LAMA4: variants seen among roughly 807,000 people sequenced by gnomAD.
The protein encoded by LAMA4 is laminin subunit alpha-4.
A neutral mutation model predicts 207.1 loss-of-function variants in LAMA4; 127 were observed. The ratio of observed to expected loss-of-function variants is 0.61; its 90% CI spans 0.53 to 0.71. LAMA4 has a LOEUF of 0.71. Among genes scored for constraint, LAMA4 ranks in the 30% least tolerant of loss-of-function variants. LAMA4 has a pLI of 0.00. For missense variants in LAMA4, 2,093 were observed against 2,246.5 expected (o/e 0.93, Z 1.38); for synonymous variants, 761 against 816.0 (o/e 0.93, Z 1.15).
intron 13 of LAMA4, among the ~76,000 whole-genome samples, chr6:112,161,687 T>C (rs1554338407): frequency 6.6e-6 from 1 of 152,146 alleles, no homozygotes; most frequent in African/African-American, 2.4e-5. Flanking sequence ...GTAAAAGATA[T>C]TTTGAATAAC....
intron 9 of LAMA4, chr6:112,178,524 C>A: frequency 2.5e-6 from 1 of 397,948 alleles, no homozygotes; most frequent in Non-Finnish European, 4.7e-6. Context: ...GTGCACCCAT[C>A]ACCCGAGCAG....
chr6:112,230,830 G>T (rs6568726), intron 2 of LAMA4, among the ~76,000 whole-genome samples: 6,749 of 152,208 alleles, frequency 0.044, 520 homozygotes, highest in African/African-American at 0.15. Context: ...GATGTGTCTT[G>T]GCATTACAGA....
intron 13 of LAMA4, among the ~76,000 whole-genome samples, chr6:112,163,167 A>AT (rs1554338903): frequency 1.3e-5 from 2 of 150,978 alleles, no homozygotes; most frequent in Non-Finnish European, 3.0e-5. Context: ...TTTTGTAGAG[A>AT]GGGGGTCTCA....
chr6:112,154,136 G>A (rs1562668763), intron 16 of LAMA4, among the ~76,000 whole-genome samples: 3 of 152,120 alleles, frequency 2.0e-5, no homozygotes, highest in Non-Finnish European at 4.4e-5. Context: ...TCTCAGAGAT[G>A]AATAATGTTT....
At position 112,154,853 on chromosome 6, in the gene LAMA4, G is replaced by A. The variant is rs369776441; in HGVS notation, c.2054C>T (p.Ser685Phe). Reference sequence around the variant, plus strand: ...GATAGGAAAGTGAAGATATTTACTAGACTCTGCCTTTGCTTGCAGTTCTCT... The same window carrying A: ...GATAGGAAAGTGAAGATATTTACTAAACTCTGCCTTTGCTTGCAGTTCTCT... ...QARELQAKAE[S>F]SSDEAVADTS... The change falls in exon 16 of 39, where the codon TCT becomes TTT. Residue 685 changes from serine to phenylalanine, a missense_variant and splice_region_variant. Ser to Phe is a radical substitution (Grantham distance 155). Around this residue, in one of 3 missense-constraint regions of LAMA4, gnomAD observed 1,704 missense variants for 1,788.4 expected, o/e 0.95. Coordinates refer to ENST00000230538, the MANE Select transcript of LAMA4 (RefSeq NM_001105206.3). 49 of 1,586,546 alleles carry A rather than the reference G, an allele frequency of 3.1e-5. No homozygotes were observed. In the Middle Eastern group the frequency reaches 1.2e-3, roughly 38 times the overall value.
chr6:112,126,683 T>G (rs1778710909), intron 31 of LAMA4, among the ~76,000 whole-genome samples: 1 of 152,180 alleles, frequency 6.6e-6, no homozygotes, highest in Admixed American at 6.5e-5. Context: ...TGGAGACACT[T>G]CCCTCTTGCT....
chr6:112,155,542 A>T (rs1403011819), intron 15 of LAMA4, 23 bp downstream of exon 15: 11 of 1,613,860 alleles, frequency 6.8e-6, no homozygotes, highest in Non-Finnish European at 9.3e-6. Context: ...GCAAGGTATA[A>T]AGAACTTTCA....
Position 112,134,627 on chromosome 6 carries a change from T to C in LAMA4, c.3415-18A>G. On this transcript the variant is annotated intron_variant, in intron 25 of 38. Coordinates refer to ENST00000230538, the MANE Select transcript of LAMA4 (RefSeq NM_001105206.3). Reference sequence around the variant, plus strand: ...ATTGAGATCTGGGAGAGATAATATATAGTAAGCCTTGATTAACTATTTAAT... The same window carrying C: ...ATTGAGATCTGGGAGAGATAATATACAGTAAGCCTTGATTAACTATTTAAT... The C allele has an allele frequency of 1.3e-6, 2 of 1,579,308 alleles. No homozygotes were observed. The highest frequency in any genetic ancestry group is 1.1e-5 in the South Asian group (1 of 90,370).
intron 2 of LAMA4, among the ~76,000 whole-genome samples, chr6:112,220,004 A>C (rs781834290): frequency 6.6e-6 from 1 of 152,156 alleles, no homozygotes; most frequent in South Asian, 2.1e-4. Context: ...TTATTTCCAA[A>C]TTTTTGCTGC....
At chr6:112,136,982 A>G (rs896527426) in intron 24 of LAMA4, among the ~76,000 whole-genome samples, 2 of 152,188 alleles carry the variant, frequency 1.3e-5, no homozygotes, top group Non-Finnish European at 2.9e-5. Context: ...GTAAAATTAA[A>G]AAATAATTTC....
chr6:112,254,157 G>A lies in LAMA4; in HGVS notation c.-7C>T. 6.2e-7 allele frequency: 1 copy of A among 1,612,700 alleles called. No homozygotes were observed. The highest frequency in any genetic ancestry group is 8.5e-7 in the Non-Finnish European group (1 of 1,179,938). On this transcript the variant is annotated 5_prime_UTR_variant, in exon 2 of 39. Transcript: ENST00000230538. ...AGGCTGAGCTCAAAGCCATTTCTCC[G>A]CTGACATCCAGTAGTGCTCTTCCAG... is the stretch of plus-strand genomic sequence containing the variant.
At chr6:112,169,642 A>G (rs1335195244) in intron 12 of LAMA4, among the ~76,000 whole-genome samples, 1 of 152,232 alleles carries the variant, frequency 6.6e-6, no homozygotes, top group African/African-American at 2.4e-5. Context: ...AAATTCCTCA[A>G]CGCTATGCTG....
At chr6:112,206,692 G>A (rs1554354351) in intron 4 of LAMA4, among the ~76,000 whole-genome samples, 1 of 152,144 alleles carries the variant, frequency 6.6e-6, no homozygotes, top group Admixed American at 6.5e-5. Flanking sequence ...AGTCTGTTGG[G>A]ATTACCAGTT....
chr6:112,205,060 T>A (rs1221397353), intron 4 of LAMA4, among the ~76,000 whole-genome samples: 3 of 152,220 alleles, frequency 2.0e-5, no homozygotes, highest in African/African-American at 7.2e-5. Flanking sequence ...TGTGTGAGTA[T>A]GAGTGAGTGC....
intron 8 of LAMA4, chr6:112,186,908 C>T (rs1554346818): frequency 2.2e-6 from 1 of 454,914 alleles, no homozygotes. Context: ...ACCAGTAGAG[C>T]TATGAGGAGA....
chr6:112,205,783 G>A lies in LAMA4; in HGVS notation c.422+1238C>T, dbSNP rs77748844. 3.3e-5 allele frequency among the ~76,000 whole-genome samples: 5 copies of A among 152,154 alleles called. No individual in the cohort carries two copies. The South Asian group carries it at 6.2e-4, about 19-fold the overall frequency. Reference sequence around the variant, plus strand: ...CGAGGAACCAAACATGTAATTGGACGTTGTGAATTTCAACCCTCCCCACCC... The same window carrying A: ...CGAGGAACCAAACATGTAATTGGACATTGTGAATTTCAACCCTCCCCACCC... On this transcript the variant is annotated intron_variant, in intron 4 of 38. Transcript: ENST00000230538.
intron 4 of LAMA4, among the ~76,000 whole-genome samples, 172 bp downstream of exon 4, chr6:112,206,849 G>T (rs563107178): frequency 6.6e-6 from 1 of 152,148 alleles, no homozygotes; most frequent in Admixed American, 6.5e-5. Context: ...AGCATTCCAG[G>T]TGGTGTATTT....
intron 2 of LAMA4, among the ~76,000 whole-genome samples, chr6:112,224,774 C>T (rs1156764867): frequency 6.7e-6 from 1 of 149,034 alleles, no homozygotes; most frequent in Admixed American, 6.7e-5. Flanking sequence ...CGAGTTTGCG[C>T]CATTGCACTC....
chr6:112,124,117 G>T (rs1163307484), intron 31 of LAMA4, among the ~76,000 whole-genome samples: 1 of 152,154 alleles, frequency 6.6e-6, no homozygotes, highest in Non-Finnish European at 1.5e-5. Flanking sequence ...TCAGTGAAAG[G>T]CCCAGCTGGA....
Sources: allele counts gnomAD v4.1 joint callset (sites outside exome capture counted in the v4.1 genomes callset), GRCh38; gene constraint gnomAD v4.1.1; regional missense constraint gnomAD v4.1.1; transcripts MANE v1.5; gene names NCBI Gene and HGNC (gene_info 2026-07-23, HGNC 2026-07-21).